Variants in IQCK observed in about 807,000 individuals in gnomAD.
IQCK encodes the protein IQ motif containing K.
Under a neutral mutation model 28.1 loss-of-function variants are expected in IQCK, and 29 were observed. That is an observed-to-expected ratio of 1.03 (90% CI 0.77 to 1.41). IQCK has a LOEUF of 1.41. IQCK is among the 40% of genes most tolerant of loss of function. IQCK has a pLI of 0.00. For synonymous variants in IQCK, 113 were observed against 115.1 expected (o/e 0.98, Z 0.12); for missense variants, 359 against 314.7 (o/e 1.14, Z -1.07).
chr16:19,751,434 C>CTGGAGTG (rs2054985553), intron 4 of IQCK, among the ~76,000 whole-genome samples: 1 of 152,076 alleles, frequency 6.6e-6, no homozygotes, highest in Non-Finnish European at 1.5e-5. Context: ...GCTATGATCA[C>CTGGAGTG]ACCACTGCAC....
At chr16:19,747,722 T>C (rs1158375739) in intron 4 of IQCK, among the ~76,000 whole-genome samples, 1 of 152,180 alleles carries the variant, frequency 6.6e-6, no homozygotes, top group African/African-American at 2.4e-5. Context: ...CACCCACTTA[T>C]GAGTAAGAAC....
In IQCK at chr16:19,735,349, T is replaced by C; in HGVS notation, c.377-4T>C. The C allele has an allele frequency of 6.2e-7, 1 of 1,610,546 alleles. No individual in the cohort carries two copies. The highest frequency in any genetic ancestry group is 8.5e-7 in the Non-Finnish European group (1 of 1,176,720). On this transcript the variant is annotated splice_polypyrimidine_tract_variant and splice_region_variant and intron_variant, in intron 3 of 7. Coordinates refer to ENST00000564186, the Ensembl canonical transcript of IQCK. ...CAGGGGGAATTTTTGTTTGTTTGTTTTAGGTTCTCCCAAAGAATATTTGGA... is the reference window on the plus strand; with the variant it reads ...CAGGGGGAATTTTTGTTTGTTTGTTCTAGGTTCTCCCAAAGAATATTTGGA...
exon 10 of IQCK, chr16:19,857,041 C>A (rs2056571363): frequency 1.2e-5 from 2 of 171,248 alleles, no homozygotes; most frequent in Admixed American, 6.2e-5. Flanking sequence ...CACTCCTTAA[C>A]TTTTACTGCA....
At chr16:19,842,455 T>G (rs34581612) in intron 9 of IQCK, among the ~76,000 whole-genome samples, 11,483 of 152,262 alleles carry the variant, frequency 0.075, 708 homozygotes, top group South Asian at 0.28. Flanking sequence ...CAAGGTGGTG[T>G]GTCTTTGGCT....
intron 4 of IQCK, among the ~76,000 whole-genome samples, chr16:19,754,811 G>T (rs1029584661): frequency 6.6e-6 from 1 of 152,114 alleles, no homozygotes; most frequent in Non-Finnish European, 1.5e-5. Context: ...AATACCATCA[G>T]CTTTTGTTCG....
At chr16:19,751,374 A>C (rs2054984600) in intron 4 of IQCK, among the ~76,000 whole-genome samples, 1 of 152,114 alleles carries the variant, frequency 6.6e-6, no homozygotes, top group Non-Finnish European at 1.5e-5. Context: ...AGCACTCGGG[A>C]GGCTGAGGTG....
chr16:19,779,406 C>A (rs1372418685), intron 6 of IQCK, among the ~76,000 whole-genome samples: 1 of 152,126 alleles, frequency 6.6e-6, no homozygotes, highest in Non-Finnish European at 1.5e-5. Context: ...TGAATGGGAT[C>A]CCTTTACTGA....
At chr16:19,758,941 T>C (rs905967056) in intron 4 of IQCK, among the ~76,000 whole-genome samples, 1 of 152,128 alleles carries the variant, frequency 6.6e-6, no homozygotes, top group Non-Finnish European at 1.5e-5. Flanking sequence ...TTATCTTGAA[T>C]TATAAAGCTG....
intron 6 of IQCK, among the ~76,000 whole-genome samples, chr16:19,778,326 C>T (rs933747313): frequency 1.6e-4 from 25 of 152,068 alleles, no homozygotes; most frequent in Admixed American, 1.4e-3. Context: ...TGTGGGCTCC[C>T]TGTGGGCCTT....
chr16:19,851,135 C>T (rs1218562148), intron 9 of IQCK, among the ~76,000 whole-genome samples: 2 of 152,334 alleles, frequency 1.3e-5, no homozygotes, highest in South Asian at 2.1e-4. Context: ...CTTCTCTCAG[C>T]GCCCTTAGGA....
intron 6 of IQCK, among the ~76,000 whole-genome samples, chr16:19,783,306 A>T (rs1311571277): frequency 6.6e-6 from 1 of 152,038 alleles, no homozygotes; most frequent in African/African-American, 2.4e-5. Context: ...GCCAGCATTG[A>T]TTCTTAGGGT....
At chr16:19,845,135 A>T (rs1199940619) in intron 9 of IQCK, among the ~76,000 whole-genome samples, 1 of 152,152 alleles carries the variant, frequency 6.6e-6, no homozygotes, top group Non-Finnish European at 1.5e-5. Flanking sequence ...GAGTTTCTTG[A>T]TGTTAGCCCT....
At chr16:19,813,919 A>G (rs1221679477) in intron 7 of IQCK, among the ~76,000 whole-genome samples, 2 of 152,108 alleles carry the variant, frequency 1.3e-5, no homozygotes, top group South Asian at 2.1e-4. Context: ...ATAACAACAC[A>G]TTAAAGAAAA....
At chr16:19,721,437 A>G (rs148026956) in intron 1 of IQCK, among the ~76,000 whole-genome samples, 1 of 152,152 alleles carries the variant, frequency 6.6e-6, no homozygotes, top group African/African-American at 2.4e-5. Context: ...TCCAGTGACA[A>G]CTGAGTTTTG....
chr16:19,783,005 G>T (rs1476295873), intron 6 of IQCK, among the ~76,000 whole-genome samples: 400 of 102,638 alleles, frequency 3.9e-3, no homozygotes, highest in African/African-American at 4.6e-3. Context: ...TTTTGTGTGT[G>T]TGTGTGTGTG....
chr16:19,782,499 G>A (rs2055501511), intron 6 of IQCK, among the ~76,000 whole-genome samples: 1 of 152,056 alleles, frequency 6.6e-6, no homozygotes, highest in Admixed American at 6.6e-5. Flanking sequence ...ATGGTGGTGT[G>A]TACCTGTAAT....
intron 1 of IQCK, among the ~76,000 whole-genome samples, chr16:19,719,672 T>G (rs1186319762): frequency 1.6e-5 from 2 of 125,662 alleles, no homozygotes; most frequent in Non-Finnish European, 3.2e-5. Context: ...GGACTCAAAT[T>G]TTTTTTTTTT....
At chr16:19,772,880 G>A (rs900502736) in intron 6 of IQCK, among the ~76,000 whole-genome samples, 1 of 152,048 alleles carries the variant, frequency 6.6e-6, no homozygotes, top group Admixed American at 6.6e-5. Context: ...GTGCTCACCT[G>A]TGGTCCCAGC....
chr16:19,840,235 A>G (rs532448083), intron 9 of IQCK, among the ~76,000 whole-genome samples: 1 of 152,088 alleles, frequency 6.6e-6, no homozygotes, highest in African/African-American at 2.4e-5. Context: ...AGGCACCTGT[A>G]ATCTCAGCTA....
Sources: gnomAD v4.1 joint callset for allele counts (sites outside exome capture counted in the v4.1 genomes callset) on GRCh38, gnomAD v4.1.1 for gene constraint, MANE v1.5 for transcripts, NCBI Gene and HGNC (gene_info 2026-07-23, HGNC 2026-07-21) for gene names.